The following PPP2R2C variants were observed in gnomAD, a reference collection of about 807,000 sequenced individuals.
PPP2R2C encodes protein phosphatase 2, regulatory subunit B, gamma.
PPP2R2C carries 10 observed loss-of-function variants against 45.3 expected under a neutral mutation model. The observed-to-expected ratio is 0.22, with a 90% CI of 0.14 to 0.37. The LOEUF (loss-of-function observed/expected upper bound fraction) is 0.37, where lower values mean the gene tolerates loss of function less well. Among genes scored for constraint, PPP2R2C ranks in the 10% least tolerant of loss-of-function variants. PPP2R2C has a pLI of 1.00. For synonymous variants in PPP2R2C, 257 were observed against 245.4 expected (o/e 1.05, Z -0.44); for missense variants, 308 against 619.7 (o/e 0.50, Z 5.34).
intron 1 of PPP2R2C, among the ~76,000 whole-genome samples, chr4:6,434,684 A>G (rs1719811223): frequency 1.3e-5 from 2 of 152,126 alleles, no homozygotes; most frequent in African/African-American, 4.8e-5. Flanking sequence ...TCCATCAGAC[A>G]AGGATTAGAA....
chr4:6,510,048 C>G (rs1450910992), intron 2 of PPP2R2C, among the ~76,000 whole-genome samples: 4 of 152,202 alleles, frequency 2.6e-5, no homozygotes, highest in African/African-American at 9.7e-5. Context: ...CATCTCTCAC[C>G]TGCAACTTCA....
intron 2 of PPP2R2C, among the ~76,000 whole-genome samples, chr4:6,527,277 C>T (rs972565245): frequency 1.3e-5 from 2 of 152,306 alleles, no homozygotes; most frequent in Admixed American, 6.5e-5. Flanking sequence ...CGGTTTACCC[C>T]GCTAGAAGGA....
intron 1 of PPP2R2C, among the ~76,000 whole-genome samples, chr4:6,398,322 G>A (rs79156175): frequency 1.4e-5 from 2 of 138,078 alleles, no homozygotes; most frequent in African/African-American, 5.0e-5. Flanking sequence ...GGCAAGGCAT[G>A]GAATGAGAGA....
intron 2 of PPP2R2C, among the ~76,000 whole-genome samples, chr4:6,524,522 G>A (rs1042443772): frequency 1.3e-5 from 2 of 152,206 alleles, no homozygotes; most frequent in Admixed American, 6.5e-5. Flanking sequence ...CGTCTGCACC[G>A]TGATCAGGCA....
At chr4:6,382,583 A>G (rs1428526969) in intron 1 of PPP2R2C, 4 of 1,259,326 alleles carry the variant, frequency 3.2e-6, no homozygotes, top group African/African-American at 1.6e-5. Context: ...TGACAGCTCT[A>G]TTGTTCACTT....
At chr4:6,434,359 C>CTTTTTTTTTTTTTTTTT (rs34292067) in intron 1 of PPP2R2C, among the ~76,000 whole-genome samples, 4 of 116,136 alleles carry the variant, frequency 3.4e-5, no homozygotes, top group East Asian at 2.5e-4. Flanking sequence ...TTTTTCTTTT[C>CTTTTTTTTTTTTTTTTT]TTTTTTTTTT....
chr4:6,441,339 C>T (rs1441050761), intron 1 of PPP2R2C, among the ~76,000 whole-genome samples: 1 of 152,146 alleles, frequency 6.6e-6, no homozygotes, highest in Admixed American at 6.5e-5. Flanking sequence ...TCTGGTCCCT[C>T]ACTCCATGGC....
chr4:6,424,734 G>A (rs903032182), intron 1 of PPP2R2C, among the ~76,000 whole-genome samples: 1 of 152,178 alleles, frequency 6.6e-6, no homozygotes, highest in Non-Finnish European at 1.5e-5. Flanking sequence ...GGATGGGACC[G>A]TGTGGGAGAT....
At chr4:6,410,686 A>AC (rs1310239106) in intron 1 of PPP2R2C, among the ~76,000 whole-genome samples, 4 of 151,826 alleles carry the variant, frequency 2.6e-5, no homozygotes, top group African/African-American at 9.7e-5. Flanking sequence ...CACAGGGGAG[A>AC]CGTGGAGAAG....
intron 1 of PPP2R2C, among the ~76,000 whole-genome samples, chr4:6,465,013 G>C (rs1408030441): frequency 6.6e-6 from 1 of 152,172 alleles, no homozygotes; most frequent in African/African-American, 2.4e-5. Flanking sequence ...CACAGGAATA[G>C]TATGCAGCCA....
chr4:6,374,587 T>C (rs1441297043), intron 4 of PPP2R2C, among the ~76,000 whole-genome samples: 4 of 152,180 alleles, frequency 2.6e-5, no homozygotes, highest in Non-Finnish European at 4.4e-5. Flanking sequence ...TAGGGTTTTA[T>C]GGGATGTATG....
intron 2 of PPP2R2C, among the ~76,000 whole-genome samples, chr4:6,507,098 T>G (rs1213495853): frequency 6.6e-6 from 1 of 152,106 alleles, no homozygotes; most frequent in African/African-American, 2.4e-5. Flanking sequence ...GCCAGGACAG[T>G]GGGAATGCCA....
At chr4:6,530,611 G>A (rs779685035) in intron 2 of PPP2R2C, among the ~76,000 whole-genome samples, 1 of 152,186 alleles carries the variant, frequency 6.6e-6, no homozygotes, top group African/African-American at 2.4e-5. Flanking sequence ...ACTCTGAGCT[G>A]GACTGCTGGG....
chr4:6,344,429 G>T (rs748436549), intron 6 of PPP2R2C, among the ~76,000 whole-genome samples: 1 of 152,326 alleles, frequency 6.6e-6, no homozygotes, highest in East Asian at 1.9e-4. Context: ...AATGTGCAAG[G>T]TATATGTGAC....
At chr4:6,490,242 T>C (rs1722657829) in intron 2 of PPP2R2C, among the ~76,000 whole-genome samples, 1 of 152,292 alleles carries the variant, frequency 6.6e-6, no homozygotes, top group East Asian at 1.9e-4. Flanking sequence ...GGAGCGCTCA[T>C]CTGGGACTTA....
intron 2 of PPP2R2C, among the ~76,000 whole-genome samples, chr4:6,478,512 T>G (rs1047471965): frequency 1.1e-4 from 4 of 37,864 alleles, no homozygotes; most frequent in African/African-American, 2.2e-4. Context: ...CTTAATTGAG[T>G]ACAAATAACA....
chr4:6,335,313 G>T (rs1732759155), intron 6 of PPP2R2C, among the ~76,000 whole-genome samples: 1 of 152,176 alleles, frequency 6.6e-6, no homozygotes, highest in African/African-American at 2.4e-5. Flanking sequence ...GGTGAACAGG[G>T]CCTCCGTGGG....
chr4:6,447,680 C>T (rs552428047), intron 1 of PPP2R2C, among the ~76,000 whole-genome samples: 4 of 152,256 alleles, frequency 2.6e-5, no homozygotes, highest in African/African-American at 4.8e-5. Flanking sequence ...ATCCTTCCGT[C>T]GCCCTTTTGA....
In PPP2R2C at chr4:6,386,323, GCAAA is replaced by G. The variant is rs144879469; in HGVS notation, c.71-5233_71-5230del. Among the ~76,000 whole-genome samples the G allele has an allele frequency of 4.7e-3, 713 of 152,332 alleles. 9 individuals carry two copies. The highest frequency in any genetic ancestry group is 0.016 in the African/African-American group (665 of 41,558). On this transcript the variant is annotated intron_variant, in intron 1 of 8. Transcript: ENST00000382599. The stretch of plus-strand genomic sequence containing the variant: ...AGAGTCTCACTGGCTTGATAGAGCA[GCAAA>G]CAGAGTCTGAGACACTCGCAGCAGC...
Sources: gnomAD v4.1 joint callset for allele counts (sites outside exome capture counted in the v4.1 genomes callset) on GRCh38, gnomAD v4.1.1 for gene constraint, MANE v1.5 for transcripts, NCBI Gene and HGNC (gene_info 2026-07-23, HGNC 2026-07-21) for gene names.